Variants in CNTNAP2 observed in about 807,000 individuals in gnomAD.
CNTNAP2 encodes the protein contactin associated protein 2.
A neutral mutation model predicts 155.2 loss-of-function variants in CNTNAP2; 98 were observed. That is an observed-to-expected ratio of 0.63 (90% CI 0.54 to 0.75). The LOEUF is 0.75. Ranked by LOEUF, CNTNAP2 falls within the 30% of genes least tolerant of loss-of-function variation. CNTNAP2 has a pLI of 0.00. For synonymous variants in CNTNAP2, 651 were observed against 631.2 expected (o/e 1.03, Z -0.47); for missense variants, 1,727 against 1,688.1 (o/e 1.02, Z -0.40).
intron 13 of CNTNAP2, among the ~76,000 whole-genome samples, chr7:147,750,208 A>G (rs1016117717): frequency 5.9e-5 from 9 of 152,348 alleles, no homozygotes; most frequent in African/African-American, 2.2e-4. Context: ...TGGATTTTAC[A>G]TAGAAAAACC....
At chr7:147,188,895 C>CT (rs1489999294) in intron 8 of CNTNAP2, among the ~76,000 whole-genome samples, 1 of 152,094 alleles carries the variant, frequency 6.6e-6, no homozygotes, top group Non-Finnish European at 1.5e-5. Flanking sequence ...ATACACACTT[C>CT]TTTTTTAGGG....
intron 11 of CNTNAP2, among the ~76,000 whole-genome samples, chr7:147,489,414 T>A (rs1417587062): frequency 6.6e-6 from 1 of 152,174 alleles, no homozygotes; most frequent in Non-Finnish European, 1.5e-5. Context: ...TGTTACAAAA[T>A]GCAAATACAT....
intron 8 of CNTNAP2, among the ~76,000 whole-genome samples, chr7:147,167,030 G>GT (rs1554445834): frequency 6.6e-6 from 1 of 152,002 alleles, no homozygotes; most frequent in Non-Finnish European, 1.5e-5. Flanking sequence ...AGGCTGCTTT[G>GT]TTTTTTTAAT....
chr7:146,353,933 ATTTG>A (rs1284693332), intron 1 of CNTNAP2, among the ~76,000 whole-genome samples: 3 of 152,172 alleles, frequency 2.0e-5, no homozygotes, highest in Non-Finnish European at 4.4e-5. Flanking sequence ...TAAAAGCTGT[ATTTG>A]TTCAAAAATA....
chr7:147,594,270 C>T (rs974100331), intron 12 of CNTNAP2, among the ~76,000 whole-genome samples: 13 of 151,824 alleles, frequency 8.6e-5, no homozygotes, highest in East Asian at 1.9e-4. Context: ...GGACCACAGG[C>T]GCGCACCACC....
At chr7:148,241,415 A>G (rs1796157068) in intron 20 of CNTNAP2, among the ~76,000 whole-genome samples, 1 of 152,204 alleles carries the variant, frequency 6.6e-6, no homozygotes, top group African/African-American at 2.4e-5. Context: ...AGCACCTAGT[A>G]TATTCCCAGC....
At chr7:146,461,171 A>C (rs556905181) in intron 1 of CNTNAP2, among the ~76,000 whole-genome samples, 8 of 152,158 alleles carry the variant, frequency 5.3e-5, no homozygotes, top group Non-Finnish European at 1.0e-4. Flanking sequence ...TGGGAGGCCG[A>C]GGTGGGTGGA....
intron 3 of CNTNAP2, among the ~76,000 whole-genome samples, chr7:146,961,118 C>T (rs1403527840): frequency 6.6e-6 from 1 of 152,176 alleles, no homozygotes; most frequent in Non-Finnish European, 1.5e-5. Context: ...CTCTGGCTCA[C>T]AGGAACAAAA....
chr7:147,031,553 G>A (rs1306785983), intron 3 of CNTNAP2, among the ~76,000 whole-genome samples: 1 of 152,180 alleles, frequency 6.6e-6, no homozygotes, highest in Non-Finnish European at 1.5e-5. Context: ...ACGATATGAG[G>A]GAATCTTAAC....
intron 11 of CNTNAP2, among the ~76,000 whole-genome samples, chr7:147,540,104 A>G (rs1799613015): frequency 6.6e-6 from 1 of 152,184 alleles, no homozygotes; most frequent in Admixed American, 6.5e-5. Context: ...AATGTTCTGC[A>G]TTACTTTGAG....
intron 16 of CNTNAP2, among the ~76,000 whole-genome samples, chr7:148,124,138 T>TGGG (rs1804663660): frequency 6.6e-6 from 1 of 152,180 alleles, no homozygotes; most frequent in Non-Finnish European, 1.5e-5. Context: ...CCCATGGCTG[T>TGGG]GGGCATGAGG....
At chr7:147,925,292 G>GCACACA (rs71183036) in intron 14 of CNTNAP2, among the ~76,000 whole-genome samples, 5 of 143,116 alleles carry the variant, frequency 3.5e-5, no homozygotes, top group Admixed American at 6.9e-5. Context: ...AAGCGCGCGC[G>GCACACA]CACACACACA....
At chr7:146,612,104 G>A (rs1004470757) in intron 1 of CNTNAP2, among the ~76,000 whole-genome samples, 21 of 152,176 alleles carry the variant, frequency 1.4e-4, no homozygotes, top group African/African-American at 4.8e-4. Context: ...TAGGACTCAT[G>A]TAATAGTGTC....
chr7:147,679,622 G>A lies in CNTNAP2; in HGVS notation c.2098+40316G>A, dbSNP rs566396151. The stretch of plus-strand genomic sequence containing the variant: ...GTTTTTGGCTCCTGATTTTTGGTCT[G>A]AGTCTAATGAACCAATAAAAATCTC... On this transcript the variant is annotated intron_variant, in intron 13 of 23. Coordinates refer to ENST00000361727, the MANE Select transcript of CNTNAP2 (RefSeq NM_014141.6). Among the ~76,000 whole-genome samples the A allele has an allele frequency of 3.3e-4, 50 of 151,960 alleles. 1 individual carries two copies. The highest frequency in any genetic ancestry group is 6.6e-4 in the Non-Finnish European group (45 of 67,864).
intron 13 of CNTNAP2, among the ~76,000 whole-genome samples, chr7:147,757,818 A>G (rs2116513688): frequency 6.6e-6 from 1 of 152,290 alleles, no homozygotes; most frequent in East Asian, 1.9e-4. Context: ...TTATGAACAT[A>G]TGGCAAATGT....
At chr7:148,344,077 T>C (rs1327305589) in intron 21 of CNTNAP2, among the ~76,000 whole-genome samples, 2 of 152,184 alleles carry the variant, frequency 1.3e-5, no homozygotes, top group African/African-American at 4.8e-5. Context: ...GGGCAAACCT[T>C]ATGAAACTTT....
intron 9 of CNTNAP2, among the ~76,000 whole-genome samples, chr7:147,329,477 A>G (rs1282154440): frequency 6.6e-6 from 1 of 152,116 alleles, no homozygotes; most frequent in African/African-American, 2.4e-5. Context: ...AGGCTGCTTT[A>G]TTTTAAGAAG....
intron 13 of CNTNAP2, among the ~76,000 whole-genome samples, chr7:147,853,449 G>C (rs1012043417): frequency 6.6e-6 from 1 of 151,944 alleles, no homozygotes; most frequent in African/African-American, 2.4e-5. Flanking sequence ...ATTAACTACC[G>C]CTTTAAAAAT....
At position 147,643,212 on chromosome 7, in the gene CNTNAP2, G is replaced by C. The variant is rs372577391; in HGVS notation, c.2098+3906G>C. Among the ~76,000 whole-genome samples, 77 of 152,210 alleles carry C rather than the reference G, an allele frequency of 5.1e-4. 1 individual carries two copies. The highest frequency in any genetic ancestry group is 1.8e-3 in the African/African-American group (74 of 41,524). On this transcript the variant is annotated intron_variant, in intron 13 of 23. Transcript: ENST00000361727. ...GGGAGAAGATTAAAGGGAATATTAGGGCTTGTCTGACCCATTGAAATAAAA... is the reference window on the plus strand; with the variant it reads ...GGGAGAAGATTAAAGGGAATATTAGCGCTTGTCTGACCCATTGAAATAAAA...
Sources: gnomAD v4.1 joint callset for allele counts (sites outside exome capture counted in the v4.1 genomes callset) on GRCh38, gnomAD v4.1.1 for gene constraint, MANE v1.5 for transcripts, NCBI Gene and HGNC (gene_info 2026-07-23, HGNC 2026-07-21) for gene names.